Variants in PAPSS1 observed in about 807,000 individuals in gnomAD.
PAPSS1 encodes the protein 3'-phosphoadenosine 5'-phosphosulfate synthase 1.
In PAPSS1, 50 loss-of-function variants were observed where a neutral mutation model predicts 72.0. The ratio of observed to expected loss-of-function variants is 0.69; its 90% CI spans 0.55 to 0.88. The LOEUF is 0.88. PAPSS1 is among the 40% of genes least tolerant of loss of function. PAPSS1 has a pLI of 0.00. For synonymous variants in PAPSS1, 261 were observed against 263.6 expected (o/e 0.99, Z 0.09); for missense variants, 657 against 782.2 (o/e 0.84, Z 1.91).
intron 10 of PAPSS1, among the ~76,000 whole-genome samples, chr4:107,634,955 G>A (rs1038929589): frequency 2.0e-5 from 3 of 149,676 alleles, no homozygotes; most frequent in African/African-American, 7.3e-5. Context: ...CCGCTACCAC[G>A]CCCAGCTAAT....
At chr4:107,701,829 A>C (rs947883128) in intron 1 of PAPSS1, among the ~76,000 whole-genome samples, 15 of 152,208 alleles carry the variant, frequency 9.9e-5, no homozygotes, top group African/African-American at 2.7e-4. Context: ...TAGAGAGGAT[A>C]ATCAAGAAAT....
intron 1 of PAPSS1, among the ~76,000 whole-genome samples, chr4:107,715,115 T>C (rs1723601218): frequency 1.3e-5 from 2 of 152,218 alleles, no homozygotes; most frequent in Non-Finnish European, 2.9e-5. Context: ...TGTTCTATAC[T>C]GTGCTGTCCA....
intron 9 of PAPSS1, among the ~76,000 whole-genome samples, chr4:107,651,213 C>T (rs752702412): frequency 1.8e-4 from 27 of 152,048 alleles, no homozygotes; most frequent in African/African-American, 4.1e-4. Flanking sequence ...AAAGAAGCCA[C>T]GAAAGAAATG....
intron 3 of PAPSS1, among the ~76,000 whole-genome samples, chr4:107,691,449 C>T (rs796204009): frequency 1.3e-4 from 20 of 152,232 alleles, no homozygotes; most frequent in African/African-American, 4.6e-4. Flanking sequence ...AAAGACCCTG[C>T]CTCTCACCTC....
chr4:107,708,190 T>G (rs1723389577), intron 1 of PAPSS1, among the ~76,000 whole-genome samples: 1 of 152,232 alleles, frequency 6.6e-6, no homozygotes, highest in African/African-American at 2.4e-5. Context: ...AAAATTGTAA[T>G]GAGTCTCTAG....
intron 1 of PAPSS1, chr4:107,719,764 TCTG>T: frequency 9.0e-7 from 1 of 1,105,458 alleles, no homozygotes. Context: ...AGCTCCTGTT[TCTG>T]CAGCCGCAGG....
chr4:107,665,929 T>C (rs1037962506), intron 5 of PAPSS1, among the ~76,000 whole-genome samples: 1 of 152,196 alleles, frequency 6.6e-6, no homozygotes, highest in Non-Finnish European at 1.5e-5. Flanking sequence ...AACATGTTAA[T>C]ACAATGATTC....
intron 11 of PAPSS1, among the ~76,000 whole-genome samples, chr4:107,621,608 C>CTTT (rs10670438): frequency 0.014 from 661 of 48,136 alleles, 114 homozygotes; most frequent in Middle Eastern, 0.024. Context: ...GGTTTTTTAT[C>CTTT]TTTTTTTTTT....
At chr4:107,664,298 T>C (rs1727261182) in intron 5 of PAPSS1, among the ~76,000 whole-genome samples, 1 of 152,090 alleles carries the variant, frequency 6.6e-6, no homozygotes, top group Admixed American at 6.6e-5. Flanking sequence ...TTGACTACTC[T>C]CCCCCAGGTT....
chr4:107,660,794 T>C lies in PAPSS1; in HGVS notation c.670-722A>G, dbSNP rs533913204. 8.5e-5 allele frequency among the ~76,000 whole-genome samples: 13 copies of C among 152,270 alleles called. No homozygotes were observed. The South Asian group carries it at 2.5e-3, about 29-fold the overall frequency. On this transcript the variant is annotated intron_variant, in intron 5 of 11. Transcript: ENST00000265174. The stretch of plus-strand genomic sequence containing the variant: ...AAATGTGTTTAATCACTTTAATTTG[T>C]TTTAAGCCAAATCTGTCAGGTAACC...
chr4:107,631,831 A>G lies in PAPSS1; in HGVS notation c.1536T>C (p.Val512=), dbSNP rs1045463820. Residue 512 remains valine, a synonymous_variant, in exon 11 of 12, where the codon GTT becomes GTC. Transcript: ENST00000265174. ...EVQWHCRARM[V]AGANFYIVGR... Reference sequence around the variant, plus strand: ...CAACAATGTAAAAGTTGGCTCCTGCAACCATCCGTGCTCTGCAATGCCACT... The same window carrying G: ...CAACAATGTAAAAGTTGGCTCCTGCGACCATCCGTGCTCTGCAATGCCACT... The G allele has an allele frequency of 1.2e-6, 2 of 1,613,986 alleles. No homozygotes were observed. Among genetic ancestry groups the G allele is most frequent in the Admixed American group, 3.3e-5 (2 of 60,010 alleles).
chr4:107,663,088 A>G (rs976979699), intron 5 of PAPSS1, among the ~76,000 whole-genome samples: 1 of 152,216 alleles, frequency 6.6e-6, no homozygotes, highest in South Asian at 2.1e-4. Context: ...AAGTTACACA[A>G]AAAGTCAGGC....
At chr4:107,659,402 T>C (rs1412080704) in intron 6 of PAPSS1, among the ~76,000 whole-genome samples, 1 of 152,182 alleles carries the variant, frequency 6.6e-6, no homozygotes, top group African/African-American at 2.4e-5. Context: ...TTAATCTCCC[T>C]TTTTTTAAAG....
chr4:107,661,656 C>T (rs192126074), intron 5 of PAPSS1, among the ~76,000 whole-genome samples: 1 of 152,130 alleles, frequency 6.6e-6, no homozygotes, highest in Non-Finnish European at 1.5e-5. Flanking sequence ...AAAAAAAAGT[C>T]TGTTTTTTTA....
intron 1 of PAPSS1, among the ~76,000 whole-genome samples, chr4:107,716,747 A>G (rs1420100022): frequency 6.6e-6 from 1 of 152,190 alleles, no homozygotes; most frequent in Non-Finnish European, 1.5e-5. Flanking sequence ...GAGCAAGTCA[A>G]TTTCTTGGTT....
intron 1 of PAPSS1, among the ~76,000 whole-genome samples, chr4:107,705,882 T>C (rs922029885): frequency 6.6e-6 from 1 of 152,214 alleles, no homozygotes; most frequent in Non-Finnish European, 1.5e-5. Flanking sequence ...TAGCTTTGTC[T>C]AGGCAAGTCT....
At chr4:107,705,360 G>C (rs929487534) in intron 1 of PAPSS1, among the ~76,000 whole-genome samples, 2 of 152,174 alleles carry the variant, frequency 1.3e-5, no homozygotes, top group Non-Finnish European at 1.5e-5. Context: ...TCTCGTGATA[G>C]TGAGTTCTCA....
Position 107,628,914 on chromosome 4 carries a change from T to C in PAPSS1, c.1736+2717A>G, listed in dbSNP as rs1726164137. 2.0e-5 allele frequency among the ~76,000 whole-genome samples: 3 copies of C among 152,308 alleles called. No homozygotes were observed. The South Asian group carries it at 6.2e-4, about 32-fold the overall frequency. On this transcript the variant is annotated intron_variant, in intron 11 of 11. Coordinates refer to ENST00000265174, the MANE Select transcript of PAPSS1 (RefSeq NM_005443.5). The stretch of plus-strand genomic sequence containing the variant: ...AACTTCAGAGTTTACAGCTTCACAC[T>C]ACCACTTTAAACTTACAGAGTGTAC...
intron 11 of PAPSS1, 122 bp downstream of exon 11, chr4:107,631,509 C>T: frequency 4.7e-6 from 3 of 632,568 alleles, no homozygotes; most frequent in South Asian, 4.9e-5. Flanking sequence ...CTGGGTTTAC[C>T]TTTCTCTGAC....
Sources: allele counts gnomAD v4.1 joint callset (sites outside exome capture counted in the v4.1 genomes callset), GRCh38; gene constraint gnomAD v4.1.1; transcripts MANE v1.5; gene names NCBI Gene and HGNC (gene_info 2026-07-23, HGNC 2026-07-21).